The following CDH12 variants were observed in gnomAD, a reference collection of about 807,000 sequenced individuals.
CDH12 encodes the protein cadherin-12.
In CDH12, 41 loss-of-function variants were observed where a neutral mutation model predicts 74.1. That is an observed-to-expected ratio of 0.55 (90% CI 0.43 to 0.72). CDH12 has a LOEUF of 0.72. CDH12 is among the 30% of genes least tolerant of loss of function. The pLI is 0.00. For synonymous variants in CDH12, 399 were observed against 355.0 expected, an observed-to-expected ratio of 1.12 and a Z score of -1.39; for missense variants, 945 against 977.2, an observed-to-expected ratio of 0.97 and a Z score of 0.44.
chr5:22,765,134 A>C (rs914851926), intron 1 of CDH12, among the ~76,000 whole-genome samples: 6 of 152,094 alleles, frequency 3.9e-5, no homozygotes, highest in Middle Eastern at 3.4e-3. Context: ...TGCACGTTTC[A>C]AAATATGGTA....
rs1737446532 is a variant in CDH12, at chr5:22,529,171, A to ATATACACATATATATACACATGTG, written c.-522-23808_-522-23807insCACATGTGTATATATATGTGTATA. 5.6e-5 allele frequency among the ~76,000 whole-genome samples: 3 copies of ATATACACATATATATACACATGTG among 53,530 alleles called. No homozygotes were observed. The South Asian group carries it at 2.2e-3, about 38-fold the overall frequency. 35.1% of individuals were successfully genotyped at this position (53,530 alleles called of 152,430 possible). A position where few individuals can be genotyped will look rare whatever the true frequency, so the allele number is the denominator to read the frequency against. On this transcript the variant is annotated intron_variant, in intron 1 of 14. Transcript: ENST00000382254. ...CACATATATATACACATGTGTATATATATATATATATATATATAGAGAGAG... is the reference window on the plus strand; with the variant it reads ...CACATATATATACACATGTGTATATATATACACATATATATACACATGTGTATATATATATATATATAGAGAGAG...
At chr5:22,483,349 A>T (rs555108183) in intron 2 of CDH12, among the ~76,000 whole-genome samples, 2 of 152,200 alleles carry the variant, frequency 1.3e-5, no homozygotes, top group African/African-American at 4.8e-5. Flanking sequence ...TTCTTTTTTT[A>T]AATAACTATT....
intron 6 of CDH12, among the ~76,000 whole-genome samples, chr5:21,860,900 G>A (rs527457981): frequency 6.6e-6 from 1 of 152,088 alleles, no homozygotes; most frequent in East Asian, 1.9e-4. Context: ...TTCACCTTGC[G>A]ATCTTGTGAA....
intron 4 of CDH12, chr5:22,141,584 T>TG (rs1430527669): frequency 2.6e-5 from 4 of 152,086 alleles, no homozygotes; most frequent in Non-Finnish European, 5.9e-5. Flanking sequence ...CCGAATCTTT[T>TG]GGGGTTTTTT....
At chr5:22,400,727 A>G (rs1248276069) in intron 3 of CDH12, among the ~76,000 whole-genome samples, 2 of 152,152 alleles carry the variant, frequency 1.3e-5, no homozygotes, top group African/African-American at 4.8e-5. Flanking sequence ...TTTGCCAGGT[A>G]TAGCTTTGCA....
chr5:22,270,098 A>G (rs951672657), intron 3 of CDH12, among the ~76,000 whole-genome samples: 3 of 152,162 alleles, frequency 2.0e-5, no homozygotes, highest in Admixed American at 1.3e-4. Flanking sequence ...AAGAGCTGGG[A>G]GTATGGAGTT....
chr5:21,961,827 T>C lies in CDH12; in HGVS notation c.526+13264A>G, dbSNP rs533355062. ...ATACATTTTTGTTGCTTGAGGCACC[T>C]AGTTTATGGTACTTTGTTATATAAC... On this transcript the variant is annotated intron_variant, in intron 6 of 14. Coordinates refer to ENST00000382254, the MANE Select transcript of CDH12 (RefSeq NM_004061.5). 1.8e-3 allele frequency among the ~76,000 whole-genome samples: 269 copies of C among 152,264 alleles called. 3 individuals are homozygous for C. The highest frequency in any genetic ancestry group is 5.9e-3 in the African/African-American group (246 of 41,578).
At chr5:22,273,768 TG>T (rs11301211) in intron 3 of CDH12, among the ~76,000 whole-genome samples, 6,089 of 152,240 alleles carry the variant, frequency 0.04, 430 homozygotes, top group African/African-American at 0.14. Context: ...TTGAGTGAGG[TG>T]GGAATACTGC....
intron 4 of CDH12, among the ~76,000 whole-genome samples, chr5:22,196,198 G>A (rs928569597): frequency 2.7e-5 from 4 of 148,820 alleles, no homozygotes; most frequent in Non-Finnish European, 5.9e-5. Flanking sequence ...AGGCTTGAGT[G>A]CAGTGGCATG....
intron 3 of CDH12, among the ~76,000 whole-genome samples, chr5:22,332,088 A>T (rs1391390067): frequency 6.6e-6 from 1 of 152,210 alleles, no homozygotes; most frequent in African/African-American, 2.4e-5. Context: ...AGGGTTAGAA[A>T]GTTTATTCAA....
At chr5:22,354,601 T>A (rs1383897884) in intron 3 of CDH12, among the ~76,000 whole-genome samples, 2 of 152,178 alleles carry the variant, frequency 1.3e-5, no homozygotes, top group Non-Finnish European at 2.9e-5. Flanking sequence ...TAGGTCATAC[T>A]GGAGGATCTG....
At chr5:22,240,971 G>C (rs1010855633) in intron 3 of CDH12, among the ~76,000 whole-genome samples, 1 of 152,142 alleles carries the variant, frequency 6.6e-6, no homozygotes, top group African/African-American at 2.4e-5. Flanking sequence ...AAGGAAGGAG[G>C]AGGAGGAGAA....
chr5:22,839,261 A>G (rs927539786), intron 1 of CDH12, among the ~76,000 whole-genome samples: 1 of 151,992 alleles, frequency 6.6e-6, no homozygotes, highest in Non-Finnish European at 1.5e-5. Flanking sequence ...TACAATTCTT[A>G]TACTTCATAA....
intron 1 of CDH12, among the ~76,000 whole-genome samples, chr5:22,548,920 C>T (rs1580754848): frequency 6.6e-6 from 1 of 151,748 alleles, no homozygotes; most frequent in African/African-American, 2.4e-5. Flanking sequence ...ATTTGACCAC[C>T]AAATCCAGGG....
intron 4 of CDH12, among the ~76,000 whole-genome samples, chr5:22,192,622 T>C (rs1310067789): frequency 1.3e-5 from 2 of 151,858 alleles, no homozygotes; most frequent in East Asian, 1.9e-4. Context: ...GGCTTATGCA[T>C]GTGCCTACAA....
intron 4 of CDH12, among the ~76,000 whole-genome samples, chr5:22,107,038 A>C (rs546338372): frequency 1.3e-5 from 2 of 151,476 alleles, no homozygotes; most frequent in East Asian, 3.9e-4. Flanking sequence ...CCAGCTACCC[A>C]TTCTACTGGG....
chr5:22,082,175 T>A (rs1422932715), intron 4 of CDH12, among the ~76,000 whole-genome samples: 1 of 152,196 alleles, frequency 6.6e-6, no homozygotes, highest in East Asian at 1.9e-4. Flanking sequence ...GGGTTTCTTT[T>A]TCATTCTTCA....
chr5:22,043,478 C>A (rs1168976452), intron 5 of CDH12, among the ~76,000 whole-genome samples: 1 of 152,094 alleles, frequency 6.6e-6, no homozygotes, highest in Non-Finnish European at 1.5e-5. Context: ...GACAAACCCA[C>A]AGCTAACATC....
intron 4 of CDH12, among the ~76,000 whole-genome samples, chr5:22,080,158 A>G (rs1401119105): frequency 7.5e-6 from 1 of 133,800 alleles, no homozygotes; most frequent in East Asian, 2.0e-4. Flanking sequence ...AAAACAAGAG[A>G]ACTAAAATCA....
Sources: allele counts gnomAD v4.1 joint callset (sites outside exome capture counted in the v4.1 genomes callset), GRCh38; gene constraint gnomAD v4.1.1; transcripts MANE v1.5; gene names NCBI Gene and HGNC (gene_info 2026-07-23, HGNC 2026-07-21).